The following ZDHHC14 variants were observed in gnomAD, a reference collection of about 807,000 sequenced individuals.
ZDHHC14 encodes the protein zDHHC palmitoyltransferase 14.
Under a neutral mutation model 47.7 loss-of-function variants are expected in ZDHHC14, and 16 were observed. The observed-to-expected ratio is 0.34, with a 90% CI of 0.23 to 0.51. The LOEUF (loss-of-function observed/expected upper bound fraction) is 0.51, where lower values mean the gene tolerates loss of function less well. Among genes scored for constraint, ZDHHC14 ranks in the 20% least tolerant of loss-of-function variants. ZDHHC14 has a pLI of 0.97. For missense variants in ZDHHC14, 515 were observed against 662.5 expected, an observed-to-expected ratio of 0.78 and a Z score of 2.44; for synonymous variants, 293 against 278.9, an observed-to-expected ratio of 1.05 and a Z score of -0.50.
chr6:157,583,854 T>C (rs1014471074), intron 2 of ZDHHC14, among the ~76,000 whole-genome samples: 45 of 152,088 alleles, frequency 3.0e-4, no homozygotes, highest in African/African-American at 1.0e-3. Flanking sequence ...GGCCTTTCAC[T>C]TCTGTTGTGG....
At chr6:157,504,589 T>G (rs2114741936) in intron 1 of ZDHHC14, among the ~76,000 whole-genome samples, 1 of 151,340 alleles carries the variant, frequency 6.6e-6, no homozygotes, top group African/African-American at 2.4e-5. Flanking sequence ...TTTTGTATTT[T>G]TAGTAGAGAT....
intron 3 of ZDHHC14, among the ~76,000 whole-genome samples, chr6:157,594,456 C>G (rs1784039750): frequency 6.6e-6 from 1 of 152,166 alleles, no homozygotes; most frequent in African/African-American, 2.4e-5. Flanking sequence ...GGTACTGAAA[C>G]GCTGTGTGCC....
At chr6:157,448,244 A>T (rs1175443621) in intron 1 of ZDHHC14, among the ~76,000 whole-genome samples, 3 of 152,096 alleles carry the variant, frequency 2.0e-5, no homozygotes, top group African/African-American at 7.2e-5. Flanking sequence ...AGTAACTGAA[A>T]GGATGTTTTT....
chr6:157,485,548 T>A (rs553551052), intron 1 of ZDHHC14, among the ~76,000 whole-genome samples: 99 of 152,324 alleles, frequency 6.5e-4, no homozygotes, highest in African/African-American at 2.1e-3. Flanking sequence ...TTTCTCCCTG[T>A]CCCACTTTTC....
chr6:157,438,303 G>A (rs893062204), intron 1 of ZDHHC14, among the ~76,000 whole-genome samples: 3 of 152,172 alleles, frequency 2.0e-5, no homozygotes, highest in Non-Finnish European at 4.4e-5. Context: ...TCTAGAAATA[G>A]GATTGTTTTT....
intron 5 of ZDHHC14, among the ~76,000 whole-genome samples, chr6:157,640,866 C>T (rs1418431705): frequency 1.3e-5 from 2 of 152,240 alleles, no homozygotes. Flanking sequence ...GAAAGTGTTT[C>T]TCTTGACCCT....
chr6:157,495,271 A>G (rs775557917), intron 1 of ZDHHC14, among the ~76,000 whole-genome samples: 1 of 152,016 alleles, frequency 6.6e-6, no homozygotes, highest in Non-Finnish European at 1.5e-5. Context: ...TTTTTTTTAA[A>G]GCAGTCTAAA....
intron 1 of ZDHHC14, among the ~76,000 whole-genome samples, chr6:157,444,230 G>A (rs1349228352): frequency 6.6e-6 from 1 of 152,212 alleles, no homozygotes; most frequent in Admixed American, 6.5e-5. Context: ...TACAGTTAGT[G>A]AGCATATCAT....
At chr6:157,507,547 G>C (rs1780357761) in intron 1 of ZDHHC14, among the ~76,000 whole-genome samples, 2 of 152,192 alleles carry the variant, frequency 1.3e-5, no homozygotes, top group South Asian at 4.1e-4. Context: ...CTCCGAAAGT[G>C]CTGGAATTTC....
At chr6:157,641,377 G>T (rs928485624) in intron 5 of ZDHHC14, among the ~76,000 whole-genome samples, 4 of 152,124 alleles carry the variant, frequency 2.6e-5, no homozygotes, top group African/African-American at 9.7e-5. Flanking sequence ...TATGGCACTG[G>T]CTGTGAACAG....
chr6:157,628,804 A>G (rs1785543756), intron 4 of ZDHHC14, among the ~76,000 whole-genome samples: 1 of 151,916 alleles, frequency 6.6e-6, no homozygotes, highest in Non-Finnish European at 1.5e-5. Flanking sequence ...CAGTGACCTC[A>G]CTTTTTCTCC....
chr6:157,601,109 G>A (rs886587453), intron 3 of ZDHHC14, among the ~76,000 whole-genome samples: 14 of 152,296 alleles, frequency 9.2e-5, no homozygotes, highest in South Asian at 8.3e-4. Context: ...CAAAAATCGC[G>A]AGATAATGAG....
chr6:157,658,289 C>T (rs151102960), intron 8 of ZDHHC14, among the ~76,000 whole-genome samples: 2,955 of 152,276 alleles, frequency 0.019, 48 homozygotes, highest in Non-Finnish European at 0.03. Flanking sequence ...CCTCAGTTTT[C>T]CTCATCTGCA....
chr6:157,509,435 T>C (rs889615534), intron 1 of ZDHHC14, among the ~76,000 whole-genome samples: 1 of 152,152 alleles, frequency 6.6e-6, no homozygotes, highest in African/African-American at 2.4e-5. Flanking sequence ...TGAACCTAAC[T>C]TTTTTAATGG....
chr6:157,670,653 C>T (rs1778756065), intron 8 of ZDHHC14, among the ~76,000 whole-genome samples: 1 of 152,164 alleles, frequency 6.6e-6, no homozygotes, highest in South Asian at 2.1e-4. Context: ...ACTCCCCTCC[C>T]CTCCCCCGCA....
chr6:157,418,178 C>T (rs1420380936), intron 1 of ZDHHC14, among the ~76,000 whole-genome samples: 1 of 152,024 alleles, frequency 6.6e-6, no homozygotes, highest in Non-Finnish European at 1.5e-5. Context: ...GTGAGGAGGC[C>T]CTGTCCCACG....
intron 1 of ZDHHC14, among the ~76,000 whole-genome samples, chr6:157,408,569 C>A (rs922980308): frequency 6.6e-6 from 1 of 152,136 alleles, no homozygotes; most frequent in Non-Finnish European, 1.5e-5. Context: ...TCTGTTCCTG[C>A]ATTAATTTCC....
In ZDHHC14 at chr6:157,565,946, G is replaced by A. The variant is rs183795918; in HGVS notation, c.406+23201G>A. On this transcript the variant is annotated intron_variant, in intron 2 of 8. Coordinates refer to ENST00000359775, the MANE Select transcript of ZDHHC14 (RefSeq NM_024630.3). The stretch of plus-strand genomic sequence containing the variant: ...GTTAAGTCACTTGTGGTGGCAGAAC[G>A]GGGACAATATAACTCGGTTTCTTGA... Among the ~76,000 whole-genome samples the A allele has an allele frequency of 9.9e-5, 15 of 152,278 alleles. 1 individual carries two copies. The East Asian group carries it at 2.1e-3, about 22-fold the overall frequency.
At chr6:157,649,128 G>A (rs1777698716) in intron 7 of ZDHHC14, among the ~76,000 whole-genome samples, 1 of 152,190 alleles carries the variant, frequency 6.6e-6, no homozygotes, top group South Asian at 2.1e-4. Context: ...GGCATTTCTT[G>A]AGGATGGTCC....
Sources: gnomAD v4.1 joint callset for allele counts (sites outside exome capture counted in the v4.1 genomes callset) on GRCh38, gnomAD v4.1.1 for gene constraint, MANE v1.5 for transcripts, NCBI Gene and HGNC (gene_info 2026-07-23, HGNC 2026-07-21) for gene names.